GRK7: variants seen among roughly 807,000 people sequenced by gnomAD.
GRK7 encodes G protein-coupled receptor kinase 7.
Under a neutral mutation model 34.1 loss-of-function variants are expected in GRK7, and 24 were observed. The ratio of observed to expected loss-of-function variants is 0.70; its 90% confidence interval spans 0.51 to 0.99. The LOEUF is 0.99. Among genes scored for constraint, GRK7 ranks in the 50% least tolerant of loss-of-function variants. The probability of loss-of-function intolerance (pLI) is 0.00; values close to 1 mark genes in which losing one functional copy is unlikely to be tolerated. For synonymous variants in GRK7, 256 were observed against 279.4 expected, an observed-to-expected ratio of 0.92 and a Z score of 0.84; for missense variants, 644 against 707.3, an observed-to-expected ratio of 0.91 and a Z score of 1.02.
chr3:141,793,591 C>G (rs1470761320), intron 4 of GRK7, among the ~76,000 whole-genome samples: 2 of 152,222 alleles, frequency 1.3e-5, no homozygotes, highest in African/African-American at 4.8e-5. Context: ...TGGGATGACT[C>G]TTCTGAGTTG....
At chr3:141,790,900 C>A (rs2084721117) in intron 4 of GRK7, among the ~76,000 whole-genome samples, 1 of 152,180 alleles carries the variant, frequency 6.6e-6, no homozygotes, top group South Asian at 2.1e-4. Context: ...AGCACTTCTG[C>A]CTGTGCTCAG....
In GRK7 at chr3:141,778,710, G is replaced by A. The variant is rs774557918; in HGVS notation, c.426G>A (p.Glu142=). 1.2e-5 allele frequency: 20 copies of A among 1,613,104 alleles called. No individual in the cohort carries two copies. The Middle Eastern group carries it at 2.6e-3, about 213-fold the overall frequency. The part of the protein sequence containing the change: ...TKCQAATTEE[E]RVAAVTLAKA... ...GCCAAGCAGCCACCACTGAGGAAGA[G>A]CGAGTGGCTGCAGTGACGCTGGCCA... is the stretch of plus-strand genomic sequence containing the variant. The change falls in exon 3 of 6, where the codon GAG becomes GAA. Residue 142 remains glutamate, a synonymous_variant. Transcript: ENST00000682958. The surrounding 1 kb of genome is among the most constrained non-coding windows in gnomAD (Gnocchi z 4.1).
rs145181559 is a variant in GRK7, at chr3:141,803,791, G to A, written c.1051-3854G>A. Among the ~76,000 whole-genome samples the A allele has an allele frequency of 2.8e-3, 420 of 152,150 alleles. 2 individuals are homozygous for A. The highest frequency in any genetic ancestry group is 9.8e-3 in the African/African-American group (405 of 41,516). On this transcript the variant is annotated intron_variant, in intron 4 of 5. Transcript: ENST00000682958. ...GGCTGGGGTGCAATGGCACCATCTC[G>A]GCTCACTGCAACCTCTGCCTCCCAG...
intron 4 of GRK7, among the ~76,000 whole-genome samples, chr3:141,781,397 C>CGTT: frequency 6.6e-6 from 1 of 151,812 alleles, no homozygotes; most frequent in Non-Finnish European, 1.5e-5. Context: ...ATTAGCCAGG[C>CGTT]ATGGTGACAG....
At chr3:141,783,545 G>A (rs532672917) in intron 4 of GRK7, among the ~76,000 whole-genome samples, 1 of 152,318 alleles carries the variant, frequency 6.6e-6, no homozygotes, top group East Asian at 1.9e-4. Context: ...GTTGCAAAGA[G>A]GTAACGTCGC....
intron 4 of GRK7, among the ~76,000 whole-genome samples, chr3:141,790,537 A>T (rs1282850272): frequency 6.6e-6 from 1 of 151,080 alleles, no homozygotes; most frequent in East Asian, 1.9e-4. Flanking sequence ...GCACAATTAA[A>T]CATGTTCCAG....
chr3:141,780,659 A>G lies in GRK7; in HGVS notation c.898A>G (p.Ile300Val), dbSNP rs139227170. 6.2e-7 allele frequency: 1 copy of G among 1,614,108 alleles called. No homozygotes were observed. The highest frequency in any genetic ancestry group is 8.5e-7 in the Non-Finnish European group (1 of 1,180,048). Reference sequence around the variant, plus strand: ...CCGGGTGATCTTTTACTCGGCCCAGATAGCCTGTGGGATGCTGCACCTCCA... The same window carrying G: ...CCGGGTGATCTTTTACTCGGCCCAGGTAGCCTGTGGGATGCTGCACCTCCA... ...MSRVIFYSAQIACGMLHLHEL... is the reference protein window; with the variant it reads ...MSRVIFYSAQVACGMLHLHEL... Residue 300 changes from isoleucine to valine, a missense_variant, in exon 4 of 6, where the codon ATA becomes GTA. By Grantham distance (29) the Ile-to-Val change is conservative. Coordinates refer to ENST00000682958, the MANE Select transcript of GRK7 (RefSeq NM_139209.3).
chr3:141,783,362 C>T (rs892389099), intron 4 of GRK7, among the ~76,000 whole-genome samples: 1 of 152,238 alleles, frequency 6.6e-6, no homozygotes, highest in Non-Finnish European at 1.5e-5. Context: ...CGGCTCATGT[C>T]CAGGCCATGT....
At chr3:141,755,557 T>A in the GRK7 span, among the ~76,000 whole-genome samples, 1 of 152,138 alleles carries the variant, frequency 6.6e-6, no homozygotes, top group Non-Finnish European at 1.5e-5. Context: ...AAAGAAGAAG[T>A]CTAAATAGTC....
At chr3:141,787,864 C>T (rs1217546565) in intron 4 of GRK7, among the ~76,000 whole-genome samples, 1 of 143,834 alleles carries the variant, frequency 7.0e-6, no homozygotes, top group African/African-American at 2.6e-5. Flanking sequence ...AAAAAAATTA[C>T]CTGGGCATGA....
chr3:141,797,657 C>A (rs1378714427), intron 4 of GRK7, among the ~76,000 whole-genome samples: 1 of 152,072 alleles, frequency 6.6e-6, no homozygotes, highest in Non-Finnish European at 1.5e-5. Flanking sequence ...AAGAGGCATC[C>A]GCGGGCGATT....
At chr3:141,813,978 G>T (rs543678988) in intron 5 of GRK7, among the ~76,000 whole-genome samples, 2 of 152,262 alleles carry the variant, frequency 1.3e-5, no homozygotes, top group Middle Eastern at 3.4e-3. Context: ...CCTCATTCTT[G>T]TTATTAGTTG....
At chr3:141,814,336 G>A (rs550032775) in intron 5 of GRK7, among the ~76,000 whole-genome samples, 1 of 152,234 alleles carries the variant, frequency 6.6e-6, no homozygotes, top group South Asian at 2.1e-4. Context: ...ACCAAGTAGT[G>A]AGCATAGTAC....
rs756491318 is a variant in GRK7 at position 141,778,648 on chromosome 3, C to T, written c.364C>T (p.Pro122Ser). ...TCASAPAPGN[P>S]QPFLSQAVAT... ...TGCGAGTGCCCCTGCCCCGGGGAAC[C>T]CGCAACCCTTCCTCAGCCAGGCCGT... Residue 122 changes from proline to serine, a missense_variant, in exon 3 of 6, where the codon CCG (proline) becomes TCG (serine). Physicochemically the swap from Pro to Ser is moderately conservative, Grantham distance 74. Coordinates refer to ENST00000682958, the MANE Select transcript of GRK7 (RefSeq NM_139209.3). The surrounding 1 kb of genome is among the most constrained non-coding windows in gnomAD (Gnocchi z 4.1). 16 of 1,613,254 alleles carry T rather than the reference C, an allele frequency of 9.9e-6. No homozygotes were observed. The highest frequency in any genetic ancestry group is 1.4e-5 in the Non-Finnish European group (16 of 1,179,758).
chr3:141,796,969 G>A (rs750922146), intron 4 of GRK7, among the ~76,000 whole-genome samples: 109 of 152,234 alleles, frequency 7.2e-4, no homozygotes, highest in Non-Finnish European at 1.1e-3. Flanking sequence ...TTTAATCTTC[G>A]TCACAGTCCC....
rs757599644 is a variant in GRK7, at chr3:141,817,360, G to C, written c.*310G>C. 1 of 250,408 alleles carries C rather than the reference G, an allele frequency of 4.0e-6. No individual in the cohort carries two copies. The highest frequency in any genetic ancestry group is 7.6e-6 in the Non-Finnish European group (1 of 131,958). 15.5% of individuals were successfully genotyped at this position (250,408 alleles called of 1,614,324 possible). On this transcript the variant is annotated 3_prime_UTR_variant, in exon 6 of 6. Coordinates refer to ENST00000682958, the MANE Select transcript of GRK7 (RefSeq NM_139209.3). Reference sequence around the variant, plus strand: ...TGTATTACGCAAAGTCCTAGGAACAGAGAATGGAACTTTGTGGTGTGCCCA... The same window carrying C: ...TGTATTACGCAAAGTCCTAGGAACACAGAATGGAACTTTGTGGTGTGCCCA...
chr3:141,790,643 G>A (rs925475615), intron 4 of GRK7, among the ~76,000 whole-genome samples: 8 of 150,040 alleles, frequency 5.3e-5, no homozygotes, highest in Non-Finnish European at 1.2e-4. Context: ...GGCTCACTGC[G>A]ACCTCTGCCT....
At chr3:141,804,178 C>A (rs1294869127) in intron 4 of GRK7, among the ~76,000 whole-genome samples, 1 of 152,188 alleles carries the variant, frequency 6.6e-6, no homozygotes, top group Non-Finnish European at 1.5e-5. Flanking sequence ...CAAGCCCTTG[C>A]ACCTTCAGCT....
intron 5 of GRK7, 36 bp downstream of exon 5, chr3:141,807,955 C>A: frequency 1.3e-6 from 2 of 1,521,494 alleles, no homozygotes; most frequent in Non-Finnish European, 1.8e-6. Flanking sequence ...TTGCTGACAC[C>A]AGTATTGTCC....
Sources: allele counts gnomAD v4.1 joint callset (sites outside exome capture counted in the v4.1 genomes callset), GRCh38; gene constraint gnomAD v4.1.1; non-coding constraint Gnocchi (gnomAD v3.1); transcripts MANE v1.5; gene names NCBI Gene and HGNC (gene_info 2026-07-23, HGNC 2026-07-21).